The following NAALADL2 variants were observed in gnomAD, a reference collection of about 807,000 sequenced individuals.
NAALADL2 encodes inactive N-acetylated-alpha-linked acidic dipeptidase-like protein 2.
In NAALADL2, 76 loss-of-function variants were observed where a neutral mutation model predicts 87.2. The observed-to-expected ratio is 0.87, with a 90% CI of 0.72 to 1.05. The LOEUF (loss-of-function observed/expected upper bound fraction) is 1.05. NAALADL2 is among the 50% of genes least tolerant of loss of function. The pLI, the probability that NAALADL2 is intolerant of heterozygous loss-of-function variation, is 0.00. For missense variants in NAALADL2, 1,089 were observed against 945.8 expected, an observed-to-expected ratio of 1.15 and a Z score of -1.99; for synonymous variants, 354 against 331.0, an observed-to-expected ratio of 1.07 and a Z score of -0.75.
chr3:174,477,480 A>G (rs1717289178), intron 1 of NAALADL2, among the ~76,000 whole-genome samples: 1 of 152,188 alleles, frequency 6.6e-6, no homozygotes, highest in South Asian at 2.1e-4. Flanking sequence ...ATAGGTGTAC[A>G]CTTAGAGACT....
Position 175,762,824 on chromosome 3 carries a change from G to A in NAALADL2, c.2189+7406G>A, listed in dbSNP as rs149668269. Among the ~76,000 whole-genome samples, 80 of 152,226 alleles carry A rather than the reference G, an allele frequency of 5.3e-4. No individual in the cohort carries two copies. The East Asian group carries it at 0.015, about 28-fold the overall frequency. On this transcript the variant is annotated intron_variant, in intron 13 of 13. Transcript: ENST00000454872. ...ATAAGGGCCAGGCGCAGTGGCACGC[G>A]TGTAATCCCAGCACTTTGGGAAGGC...
chr3:175,508,897 C>A (rs1414035404), intron 9 of NAALADL2, among the ~76,000 whole-genome samples: 1 of 151,970 alleles, frequency 6.6e-6, no homozygotes. Context: ...AGGTAGATCA[C>A]CCGAGGTCAG....
intron 3 of NAALADL2, among the ~76,000 whole-genome samples, chr3:174,836,633 C>T (rs1337601469): frequency 1.5e-5 from 2 of 136,194 alleles, no homozygotes; most frequent in Admixed American, 1.8e-4. Context: ...GGTGTGAACC[C>T]GGGAGGCGGA....
chr3:175,369,014 C>T (rs1234166720), intron 5 of NAALADL2, among the ~76,000 whole-genome samples: 11 of 152,098 alleles, frequency 7.2e-5, no homozygotes, highest in East Asian at 1.9e-4. Flanking sequence ...AGGCCTAAGA[C>T]GTTACTATGC....
intron 11 of NAALADL2, chr3:175,718,201 T>TTG: frequency 1.7e-6 from 1 of 593,784 alleles, no homozygotes. Context: ...TGTGGTTTTT[T>TTG]TTTTTTTTTT....
intron 1 of NAALADL2, among the ~76,000 whole-genome samples, chr3:174,941,624 G>C (rs1009083276): frequency 6.6e-6 from 1 of 151,834 alleles, no homozygotes; most frequent in Non-Finnish European, 1.5e-5. Context: ...TTATTTTGTG[G>C]GAGTCTATTT....
intron 11 of NAALADL2, among the ~76,000 whole-genome samples, chr3:175,736,263 A>G (rs762710940): frequency 1.3e-5 from 2 of 152,210 alleles, no homozygotes; most frequent in Non-Finnish European, 1.5e-5. Context: ...GATTGCAGAT[A>G]TGAGCTTTGG....
intron 5 of NAALADL2, among the ~76,000 whole-genome samples, chr3:175,401,017 G>C (rs889141317): frequency 6.6e-6 from 1 of 152,090 alleles, no homozygotes; most frequent in African/African-American, 2.4e-5. Flanking sequence ...TAAAGTTAGC[G>C]GCTTTCTAGC....
chr3:174,780,660 A>G (rs1449565677), intron 3 of NAALADL2, among the ~76,000 whole-genome samples: 4 of 152,074 alleles, frequency 2.6e-5, no homozygotes, highest in Non-Finnish European at 5.9e-5. Context: ...TGTTCCATCA[A>G]TACCTAGTTT....
intron 1 of NAALADL2, among the ~76,000 whole-genome samples, chr3:174,976,399 A>T (rs1184445507): frequency 6.6e-6 from 1 of 152,172 alleles, no homozygotes; most frequent in African/African-American, 2.4e-5. Flanking sequence ...GTAGAAGTCC[A>T]ATTTGTTTAA....
At chr3:175,448,613 C>CA (rs1721060812) in intron 6 of NAALADL2, among the ~76,000 whole-genome samples, 3 of 152,100 alleles carry the variant, frequency 2.0e-5, no homozygotes, top group Non-Finnish European at 2.9e-5. Flanking sequence ...TCTGCAGCTA[C>CA]AAAAAATAGC....
intron 1 of NAALADL2, among the ~76,000 whole-genome samples, chr3:174,949,129 G>A (rs6763567): frequency 0.041 from 6,291 of 152,176 alleles, 447 homozygotes; most frequent in African/African-American, 0.14. Flanking sequence ...TCTTGACCTA[G>A]TCATTCCCCA....
chr3:175,334,840 G>C (rs1761813867), intron 5 of NAALADL2, among the ~76,000 whole-genome samples: 1 of 152,160 alleles, frequency 6.6e-6, no homozygotes, highest in Non-Finnish European at 1.5e-5. Context: ...TCCACTTTGT[G>C]TTATTGGGAC....
chr3:174,965,363 T>C (rs1321894635), intron 1 of NAALADL2, among the ~76,000 whole-genome samples: 2 of 150,876 alleles, frequency 1.3e-5, no homozygotes, highest in Non-Finnish European at 2.9e-5. Context: ...AGTTACATAC[T>C]GTCACTTCTG....
rs146580175 is a variant in NAALADL2, at chr3:174,953,909, C to A, written c.43+94459C>A. 6.6e-5 allele frequency among the ~76,000 whole-genome samples: 10 copies of A among 152,146 alleles called. No individual in the cohort carries two copies. In the South Asian group the frequency reaches 1.0e-3, roughly 16 times the overall value. On this transcript the variant is annotated intron_variant, in intron 1 of 13. Coordinates refer to ENST00000454872, the MANE Select transcript of NAALADL2 (RefSeq NM_207015.3). ...CATGACATACACTCCGTTCTCTGTC[C>A]TCAGTGGCTAGATTTCAGGGAAGTT...
chr3:175,431,292 A>T (rs1272431812), intron 5 of NAALADL2, among the ~76,000 whole-genome samples: 1 of 152,066 alleles, frequency 6.6e-6, no homozygotes, highest in Non-Finnish European at 1.5e-5. Context: ...TCCTCATGGG[A>T]ACCTCAAAAG....
chr3:175,135,144 T>C (rs770866454), intron 2 of NAALADL2, among the ~76,000 whole-genome samples: 1 of 152,184 alleles, frequency 6.6e-6, no homozygotes, highest in East Asian at 1.9e-4. Context: ...CTCAACAGTT[T>C]AAACGTTTAT....
chr3:175,234,369 C>A (rs1199530658), intron 3 of NAALADL2, among the ~76,000 whole-genome samples, 165 bp downstream of exon 3: 1 of 152,168 alleles, frequency 6.6e-6, no homozygotes, highest in Non-Finnish European at 1.5e-5. Context: ...GCCCTCCTGA[C>A]CCTTTTCTTG....
chr3:175,674,296 G>A (rs1346138597), intron 11 of NAALADL2, among the ~76,000 whole-genome samples: 1 of 144,630 alleles, frequency 6.9e-6, no homozygotes, highest in Non-Finnish European at 1.5e-5. Flanking sequence ...GTCTATCTCT[G>A]TCGCCCAGGC....
Sources: gnomAD v4.1 joint callset for allele counts (sites outside exome capture counted in the v4.1 genomes callset) on GRCh38, gnomAD v4.1.1 for gene constraint, MANE v1.5 for transcripts, NCBI Gene and HGNC (gene_info 2026-07-23, HGNC 2026-07-21) for gene names.